Variants in FAM135A observed in about 807,000 individuals in gnomAD.
FAM135A encodes the protein protein FAM135A.
Under a neutral mutation model 146.8 loss-of-function variants are expected in FAM135A, and 79 were observed. The ratio of observed to expected loss-of-function variants is 0.54; its 90% confidence interval spans 0.45 to 0.65. FAM135A has a LOEUF of 0.65. FAM135A is among the 30% of genes least tolerant of loss of function. The pLI is 0.00. For synonymous variants in FAM135A, 562 were observed against 603.6 expected (o/e 0.93, Z 1.01); for missense variants, 1,623 against 1,758.2 (o/e 0.92, Z 1.38).
intron 11 of FAM135A, among the ~76,000 whole-genome samples, chr6:70,495,884 G>A (rs1435540941): frequency 2.0e-5 from 3 of 152,060 alleles, no homozygotes; most frequent in South Asian, 4.1e-4. Context: ...GAGAACATGC[G>A]GTGTTTGGTT....
intron 12 of FAM135A, among the ~76,000 whole-genome samples, chr6:70,511,576 TA>T (rs148503997): frequency 0.13 from 19,716 of 151,780 alleles, 1,525 homozygotes; most frequent in Middle Eastern, 0.19. Context: ...TTTGATTTTT[TA>T]AAAAATTGAG....
chr6:70,475,567 T>G lies in FAM135A; in HGVS notation c.297+18T>G, dbSNP rs377302668. ...AAAGAAAGGTAAACATCTCTTCATATTTATTTATGTAAATATTTTTTGTAA... is the reference window on the plus strand; with the variant it reads ...AAAGAAAGGTAAACATCTCTTCATAGTTATTTATGTAAATATTTTTTGTAA... On this transcript the variant is annotated intron_variant, in intron 6 of 21. Coordinates refer to ENST00000418814, the MANE Select transcript of FAM135A (RefSeq NM_001162529.3). The G allele has an allele frequency of 3.6e-4, 561 of 1,578,666 alleles. 8 individuals are homozygous for G. In the South Asian group the frequency reaches 5.7e-3, roughly 16 times the overall value.
At chr6:70,470,206 G>T (rs1025274920) in intron 5 of FAM135A, among the ~76,000 whole-genome samples, 1 of 152,164 alleles carries the variant, frequency 6.6e-6, no homozygotes, top group African/African-American at 2.4e-5. Flanking sequence ...AATTATTGCT[G>T]TGTAAAAATT....
intron 11 of FAM135A, among the ~76,000 whole-genome samples, chr6:70,498,839 G>C (rs1417417791): frequency 6.6e-6 from 1 of 152,200 alleles, no homozygotes; most frequent in African/African-American, 2.4e-5. Flanking sequence ...TGGTCTGAGA[G>C]ACTGTTTATT....
intron 1 of FAM135A, among the ~76,000 whole-genome samples, chr6:70,414,228 T>G (rs921883605): frequency 1.3e-5 from 2 of 152,158 alleles, no homozygotes; most frequent in African/African-American, 2.4e-5. Flanking sequence ...TCTTGTTACC[T>G]CCATAATTTC....
At chr6:70,529,924 C>A (rs1270839870) in intron 16 of FAM135A, among the ~76,000 whole-genome samples, 1 of 152,010 alleles carries the variant, frequency 6.6e-6, no homozygotes. Context: ...ATTAGCTGGG[C>A]GTGGTGGCGG....
chr6:70,510,262 G>A (rs573675136), intron 12 of FAM135A, among the ~76,000 whole-genome samples: 2 of 151,496 alleles, frequency 1.3e-5, no homozygotes, highest in Admixed American at 1.3e-4. Context: ...GTTGGGGGGC[G>A]GGTGGGGATA....
At chr6:70,478,397 A>C (rs1463472419) in intron 8 of FAM135A, among the ~76,000 whole-genome samples, 1 of 152,156 alleles carries the variant, frequency 6.6e-6, no homozygotes, top group Non-Finnish European at 1.5e-5. Flanking sequence ...AACTATCTAC[A>C]ATTTCTGATG....
At chr6:70,421,466 T>G (rs987860887) in intron 2 of FAM135A, among the ~76,000 whole-genome samples, 3 of 152,178 alleles carry the variant, frequency 2.0e-5, no homozygotes, top group Admixed American at 2.0e-4. Flanking sequence ...GTAAGTTTGT[T>G]TCTTTGAGAG....
At chr6:70,506,500 A>G (rs978470135) in intron 12 of FAM135A, among the ~76,000 whole-genome samples, 1 of 152,138 alleles carries the variant, frequency 6.6e-6, no homozygotes, top group Non-Finnish European at 1.5e-5. Flanking sequence ...CTGTGTTTCA[A>G]TAAAGTTTTA....
intron 3 of FAM135A, among the ~76,000 whole-genome samples, chr6:70,427,331 A>C (rs962109735): frequency 1.3e-5 from 2 of 152,158 alleles, no homozygotes; most frequent in Admixed American, 1.3e-4. Flanking sequence ...CAGGAGTTCA[A>C]GACCAGCCTG....
chr6:70,413,819 C>T (rs1379819479), intron 1 of FAM135A, 117 bp downstream of exon 1: 3 of 985,536 alleles, frequency 3.0e-6, no homozygotes, highest in East Asian at 1.1e-4. Context: ...CCGCCGTTCG[C>T]CCGCCGCGGC....
At chr6:70,467,348 T>C (rs1440000029) in intron 5 of FAM135A, among the ~76,000 whole-genome samples, 1 of 152,168 alleles carries the variant, frequency 6.6e-6, no homozygotes, top group Admixed American at 6.5e-5. Flanking sequence ...TAATCTTCTA[T>C]GTGACCTTTT....
At chr6:70,475,835 T>G in intron 7 of FAM135A, 102 bp downstream of exon 7, 2 of 873,142 alleles carry the variant, frequency 2.3e-6, no homozygotes, top group South Asian at 3.5e-5. Flanking sequence ...ATCCCTATCT[T>G]GTCTTGAACT....
At chr6:70,445,810 TGGCCAGTTTTGG>T (rs1009814486) in intron 4 of FAM135A, among the ~76,000 whole-genome samples, 7 of 152,004 alleles carry the variant, frequency 4.6e-5, no homozygotes, top group African/African-American at 1.7e-4. Context: ...ATTTTGTTTA[TGGCCAGTTTTGG>T]GGCCAGTTTA....
intron 4 of FAM135A, among the ~76,000 whole-genome samples, chr6:70,440,021 G>A (rs753981241): frequency 8.5e-5 from 13 of 152,230 alleles, no homozygotes; most frequent in South Asian, 4.1e-4. Context: ...TCCAGTTAGT[G>A]TACACAGTCC....
At chr6:70,479,740 T>C (rs184893008) in intron 8 of FAM135A, among the ~76,000 whole-genome samples, 1 of 152,168 alleles carries the variant, frequency 6.6e-6, no homozygotes, top group Non-Finnish European at 1.5e-5. Context: ...TTTATAACAT[T>C]ATCTTTTAAA....
At chr6:70,475,827 C>A in intron 7 of FAM135A, 94 bp downstream of exon 7, 1 of 981,422 alleles carries the variant, frequency 1.0e-6, no homozygotes, top group Non-Finnish European at 1.5e-6. Context: ...TTCATCCTAT[C>A]CCTATCTTGT....
At chr6:70,432,925 CT>C (rs944752411) in intron 4 of FAM135A, among the ~76,000 whole-genome samples, 4 of 151,404 alleles carry the variant, frequency 2.6e-5, no homozygotes, top group Non-Finnish European at 5.9e-5. Flanking sequence ...ATTGTAGGGA[CT>C]TTTTTTAGAG....
Sources: allele counts gnomAD v4.1 joint callset (sites outside exome capture counted in the v4.1 genomes callset), GRCh38; gene constraint gnomAD v4.1.1; transcripts MANE v1.5; gene names NCBI Gene and HGNC (gene_info 2026-07-23, HGNC 2026-07-21).